The following HSPA4 variants were observed in gnomAD, a reference collection of about 807,000 sequenced individuals.
HSPA4 encodes the protein heat shock 70 kDa protein 4.
Under a neutral mutation model 106.2 loss-of-function variants are expected in HSPA4, and 25 were observed. That is an observed-to-expected ratio of 0.24 (90% CI 0.17 to 0.33). HSPA4 has a LOEUF of 0.33. Among genes scored for constraint, HSPA4 ranks in the 10% least tolerant of loss-of-function variants. The probability of loss-of-function intolerance (pLI) is 1.00; values close to 1 mark genes in which losing one functional copy is unlikely to be tolerated. For missense variants in HSPA4, 841 were observed against 996.0 expected, an observed-to-expected ratio of 0.84 and a Z score of 2.10; for synonymous variants, 332 against 333.6, an observed-to-expected ratio of 1.00 and a Z score of 0.05.
At chr5:133,100,033 TTTA>T in intron 16 of HSPA4, among the ~76,000 whole-genome samples, 1 of 151,994 alleles carries the variant, frequency 6.6e-6, no homozygotes, top group East Asian at 1.9e-4. Flanking sequence ...TGGTTTATTT[TTTA>T]TTATTTTATT....
Position 133,106,101 on chromosome 5 carries a change from AATTTTTTTTTTTTTTTTTTT to A in HSPA4, c.*1666_*1685del, listed in dbSNP as rs1765855307. 84 of 80,244 alleles carry A rather than the reference AATTTTTTTTTTTTTTTTTTT, an allele frequency of 1.0e-3. No homozygotes were observed. Among genetic ancestry groups the A allele is most frequent in the African/African-American group, 3.4e-3 (67 of 19,856 alleles). 5.0% of individuals were successfully genotyped at this position (80,244 alleles called of 1,614,324 possible). A position where few individuals can be genotyped will look rare whatever the true frequency, so the allele number is the denominator to read the frequency against. ...GGCCATTTCTTCTTAAAAAAAAAAA[AATTTTTTTTTTTTTTTTTTT>A]TTTTTTTTTTTTTTTTTTTGGTGTG... On this transcript the variant is annotated 3_prime_UTR_variant, in exon 19 of 19. Transcript: ENST00000304858.
rs766782161 is a variant in HSPA4 at position 133,062,542 on chromosome 5, G to C, written c.108-2438G>C. Among the ~76,000 whole-genome samples, 4 of 152,300 alleles carry C rather than the reference G, an allele frequency of 2.6e-5. No individual in the cohort carries two copies. The South Asian group carries it at 8.3e-4, about 32-fold the overall frequency. ...AAGGGTAATATGGGCTTTGAGAGGA[G>C]AGACATTTACGTGGTAGTGAGGATT... On this transcript the variant is annotated intron_variant, in intron 1 of 18. Transcript: ENST00000304858.
At chr5:133,101,188 C>T (rs761815504) in intron 16 of HSPA4, among the ~76,000 whole-genome samples, 5 of 152,082 alleles carry the variant, frequency 3.3e-5, no homozygotes, top group East Asian at 1.9e-4. Context: ...AATCAGTATC[C>T]GTATAGGGCT....
At chr5:133,072,167 A>G (rs951870487) in intron 4 of HSPA4, among the ~76,000 whole-genome samples, 1 of 152,144 alleles carries the variant, frequency 6.6e-6, no homozygotes, top group African/African-American at 2.4e-5. Flanking sequence ...TTTGCTTAGG[A>G]GGGTTCACGG....
At chr5:133,053,605 C>T (rs1177293317) in intron 1 of HSPA4, among the ~76,000 whole-genome samples, 2 of 152,208 alleles carry the variant, frequency 1.3e-5, no homozygotes, top group African/African-American at 2.4e-5. Flanking sequence ...CAGCCTCGGC[C>T]TTCTGGAGTA....
At chr5:133,065,577 G>A (rs562743988) in intron 2 of HSPA4, among the ~76,000 whole-genome samples, 15 of 152,308 alleles carry the variant, frequency 9.8e-5, no homozygotes, top group African/African-American at 3.6e-4. Flanking sequence ...AACTGCCAGG[G>A]TGTATTTTGT....
Position 133,065,049 on chromosome 5 carries a change from T to C in HSPA4, c.165+12T>C. The C allele has an allele frequency of 1.2e-6, 2 of 1,610,182 alleles. No individual in the cohort carries two copies. Among genetic ancestry groups the C allele is most frequent in the Non-Finnish European group, 1.7e-6 (2 of 1,176,764 alleles). On this transcript the variant is annotated intron_variant, in intron 2 of 18. Transcript: ENST00000304858. Reference sequence around the variant, plus strand: ...CAGCTAAAAGCCAGGTAAAGTTTCATTTTTTTCCTAAAATGACTTATTTCT... The same window carrying C: ...CAGCTAAAAGCCAGGTAAAGTTTCACTTTTTTCCTAAAATGACTTATTTCT...
chr5:133,092,806 GTTTTTTTTTTT>G lies in HSPA4; in HGVS notation c.1650+39_1650+49del, dbSNP rs57230598. On this transcript the variant is annotated intron_variant, in intron 13 of 18. Coordinates refer to ENST00000304858, the MANE Select transcript of HSPA4 (RefSeq NM_002154.4). ...GAAATGGAGGTATGCATTGGGTGGTGTTTTTTTTTTTTTTTTTTTTTTTTTTTTTTTTGAGA... is the reference window on the plus strand; with the variant it reads ...GAAATGGAGGTATGCATTGGGTGGTGTTTTTTTTTTTTTTTTTTTTTGAGA... 978 of 473,160 alleles carry G rather than the reference GTTTTTTTTTTT, an allele frequency of 2.1e-3. 7 individuals carry two copies. Among genetic ancestry groups the G allele is most frequent in the African/African-American group, 3.4e-3 (95 of 28,100 alleles). The allele number at this position is 473,160 out of a possible 1,614,324, so 29.3% of individuals were successfully genotyped here. A position where few individuals can be genotyped will look rare whatever the true frequency, so the allele number is the denominator to read the frequency against.
At chr5:133,097,082 C>A in intron 14 of HSPA4, 79 bp from the exon 15 acceptor site, 1 of 1,187,780 alleles carries the variant, frequency 8.4e-7, no homozygotes, top group Non-Finnish European at 1.2e-6. Context: ...GAAAGAGTCT[C>A]TACTTTTATA....
chr5:133,064,438 G>A (rs1026140606), intron 1 of HSPA4, among the ~76,000 whole-genome samples: 10 of 152,122 alleles, frequency 6.6e-5, no homozygotes, highest in East Asian at 5.8e-4. Flanking sequence ...CCTGGGAGGC[G>A]GAGGTTGCAG....
intron 18 of HSPA4, 33 bp from the exon 19 acceptor site, chr5:133,104,200 T>TA: frequency 6.3e-7 from 1 of 1,596,096 alleles, no homozygotes; most frequent in East Asian, 2.2e-5. Context: ...GTTAATTTTA[T>TA]AAGAAACCAG....
At chr5:133,091,050 A>G in intron 11 of HSPA4, 143 bp from the exon 12 acceptor site, 1 of 766,974 alleles carries the variant, frequency 1.3e-6, no homozygotes, top group Non-Finnish European at 2.4e-6. Flanking sequence ...ATAAGATTCT[A>G]AAAGGACCGA....
chr5:133,056,759 A>C (rs1765170600), intron 1 of HSPA4, among the ~76,000 whole-genome samples: 1 of 152,200 alleles, frequency 6.6e-6, no homozygotes. Flanking sequence ...TATATACTTA[A>C]AGTTTCAGTA....
intron 9 of HSPA4, 27 bp downstream of exon 9, chr5:133,088,582 CCATTTATAAAT>C: frequency 4.4e-6 from 7 of 1,586,840 alleles, no homozygotes; most frequent in Non-Finnish European, 6.1e-6. Context: ...TTATAGGTAA[CCATTTATAAAT>C]CATTGTAACA....
chr5:133,057,906 AAGC>A (rs1765187957), intron 1 of HSPA4, among the ~76,000 whole-genome samples: 1 of 152,264 alleles, frequency 6.6e-6, no homozygotes, highest in Non-Finnish European at 1.5e-5. Context: ...TGAATAACAT[AAGC>A]AGCAGTAAAT....
chr5:133,052,269 G>T lies in HSPA4; in HGVS notation c.19G>T (p.Asp7Tyr). 1 of 1,594,584 alleles carries T rather than the reference G, an allele frequency of 6.3e-7. No homozygotes were observed. The highest frequency in any genetic ancestry group is 2.3e-5 in the East Asian group (1 of 44,164). The change falls in exon 1 of 19, where the codon GAC becomes TAC. Residue 7 changes from aspartate (D) to tyrosine (Y), a missense_variant. Coordinates refer to ENST00000304858, the MANE Select transcript of HSPA4 (RefSeq NM_002154.4). MSVVGI[D>Y]LGFQSCYVAV... is the part of the protein sequence containing the mutation. ...CGGCGCCATGTCGGTGGTGGGCATA[G>T]ACCTGGGCTTCCAGAGCTGCTACGT...
At chr5:133,082,383 G>A (rs966642842) in intron 7 of HSPA4, among the ~76,000 whole-genome samples, 3 of 152,282 alleles carry the variant, frequency 2.0e-5, no homozygotes, top group African/African-American at 7.2e-5. Flanking sequence ...TCACTGAATT[G>A]TATACTTTAA....
chr5:133,100,726 C>T (rs1561587438), intron 16 of HSPA4, among the ~76,000 whole-genome samples: 1 of 152,146 alleles, frequency 6.6e-6, no homozygotes, highest in Non-Finnish European at 1.5e-5. Flanking sequence ...AAAATTGAGG[C>T]CTTTTGTTCA....
chr5:133,073,240 T>G lies in HSPA4; in HGVS notation c.440T>G (p.Phe147Cys), dbSNP rs1053482821. The change falls in exon 5 of 19, where the codon TTC (phenylalanine) becomes TGC (cysteine). Residue 147 changes from phenylalanine to cysteine, a missense_variant. Physicochemically the swap from Phe to Cys is radical, Grantham distance 205. Transcript: ENST00000304858. Reference sequence around the variant, plus strand: ...TTTTTTTTTTTGTAGGTTCCTTGTTTCTATACTGATGCAGAAAGACGATCA... The same window carrying G: ...TTTTTTTTTTTGTAGGTTCCTTGTTGCTATACTGATGCAGAAAGACGATCA... ...VVDCVVSVPC[F>C]YTDAERRSVM... 6.2e-7 allele frequency: 1 copy of G among 1,601,200 alleles called. No individual in the cohort carries two copies. Among genetic ancestry groups the G allele is most frequent in the Non-Finnish European group, 8.5e-7 (1 of 1,173,542 alleles).
Sources: gnomAD v4.1 joint callset for allele counts (sites outside exome capture counted in the v4.1 genomes callset) on GRCh38, gnomAD v4.1.1 for gene constraint, MANE v1.5 for transcripts, NCBI Gene and HGNC (gene_info 2026-07-23, HGNC 2026-07-21) for gene names.